The following EFCAB11 variants were observed in gnomAD, a reference collection of about 807,000 sequenced individuals.
EFCAB11 encodes EF-hand calcium-binding domain-containing protein 11.
EFCAB11 carries 14 observed loss-of-function variants against 23.0 expected under a neutral mutation model. That is an observed-to-expected ratio of 0.61 (90% CI 0.40 to 0.95). EFCAB11 has a LOEUF of 0.95. Among genes scored for constraint, EFCAB11 ranks in the 40% least tolerant of loss-of-function variants. The pLI, the probability that EFCAB11 is intolerant of heterozygous loss-of-function variation, is 0.00. For synonymous variants in EFCAB11, 65 were observed against 66.6 expected, an observed-to-expected ratio of 0.98 and a Z score of 0.11; for missense variants, 198 against 195.8, an observed-to-expected ratio of 1.01 and a Z score of -0.07.
intron 5 of EFCAB11, among the ~76,000 whole-genome samples, chr14:89,854,407 C>T (rs966048411): frequency 2.6e-5 from 4 of 152,140 alleles, no homozygotes. Flanking sequence ...TTGCTCCCCT[C>T]CTCATTCAGG....
intron 5 of EFCAB11, among the ~76,000 whole-genome samples, chr14:89,895,802 A>C (rs747597418): frequency 1.0e-3 from 156 of 152,354 alleles, no homozygotes; most frequent in Non-Finnish European, 1.9e-3. Context: ...AATTTAACCA[A>C]ACTAAATTTA....
intron 5 of EFCAB11, among the ~76,000 whole-genome samples, chr14:89,862,121 G>C (rs145192962): frequency 6.6e-6 from 1 of 152,218 alleles, no homozygotes; most frequent in African/African-American, 2.4e-5. Flanking sequence ...TAGAAACCAT[G>C]GTATTGCGGG....
chr14:89,880,007 T>A (rs1888553679), intron 5 of EFCAB11, among the ~76,000 whole-genome samples: 1 of 152,210 alleles, frequency 6.6e-6, no homozygotes, highest in Non-Finnish European at 1.5e-5. Flanking sequence ...ATATCCTCTT[T>A]TAAGATTTGG....
At chr14:89,852,431 G>A (rs754993045) in intron 5 of EFCAB11, among the ~76,000 whole-genome samples, 12 of 152,098 alleles carry the variant, frequency 7.9e-5, no homozygotes, top group South Asian at 4.1e-4. Flanking sequence ...AAAGAAGTTC[G>A]CCTTGTTCGA....
Position 89,796,451 on chromosome 14 carries a change from T to C in EFCAB11, c.*792A>G, listed in dbSNP as rs1315554421. ...CCTCCCAAGTAGCTGGGACTACAGGTACACACCACTAAATCCAGATAATTT... is the reference window on the plus strand; with the variant it reads ...CCTCCCAAGTAGCTGGGACTACAGGCACACACCACTAAATCCAGATAATTT... On this transcript the variant is annotated 3_prime_UTR_variant, in exon 6 of 6. Coordinates refer to ENST00000316738, the MANE Select transcript of EFCAB11 (RefSeq NM_145231.4). 1 of 152,100 alleles carries C rather than the reference T, an allele frequency of 6.6e-6. No homozygotes were observed. Among genetic ancestry groups the C allele is most frequent in the Non-Finnish European group, 1.5e-5 (1 of 68,020 alleles). 9.4% of individuals were successfully genotyped at this position (152,100 alleles called of 1,614,324 possible).
intron 5 of EFCAB11, among the ~76,000 whole-genome samples, chr14:89,812,043 A>G (rs1886166291): frequency 6.6e-6 from 1 of 152,192 alleles, no homozygotes; most frequent in Non-Finnish European, 1.5e-5. Context: ...AAAAGAAAAT[A>G]GATTTAAGGT....
At chr14:89,817,457 A>G (rs933357453) in intron 5 of EFCAB11, among the ~76,000 whole-genome samples, 1 of 152,174 alleles carries the variant, frequency 6.6e-6, no homozygotes, top group Non-Finnish European at 1.5e-5. Flanking sequence ...GGAGTTCTGG[A>G]TAACAGTGAG....
At chr14:89,813,908 G>A (rs909195053) in intron 5 of EFCAB11, among the ~76,000 whole-genome samples, 15 of 152,104 alleles carry the variant, frequency 9.9e-5, no homozygotes, top group Admixed American at 1.3e-4. Context: ...TGACTTCTGC[G>A]GAGAAGGAAT....
intron 1 of EFCAB11, 71 bp downstream of exon 1, chr14:89,954,515 G>C (rs1021759069): frequency 6.3e-7 from 1 of 1,586,236 alleles, no homozygotes. Context: ...GTGAGACCCA[G>C]ACACGGGAGA....
chr14:89,817,050 A>G (rs1436276324), intron 5 of EFCAB11, among the ~76,000 whole-genome samples: 1 of 152,124 alleles, frequency 6.6e-6, no homozygotes, highest in Non-Finnish European at 1.5e-5. Flanking sequence ...ATATTTTATA[A>G]AAGAAAAAAT....
intron 5 of EFCAB11, among the ~76,000 whole-genome samples, chr14:89,805,678 C>T (rs1885944578): frequency 6.6e-6 from 1 of 152,086 alleles, no homozygotes; most frequent in Admixed American, 6.5e-5. Flanking sequence ...GGAGCCTAAA[C>T]AAACCATGCC....
rs568619876 is a variant in EFCAB11 at position 89,934,406 on chromosome 14, G to A, written c.218-1779C>T. 3.3e-4 allele frequency among the ~76,000 whole-genome samples: 51 copies of A among 152,290 alleles called. 1 individual carries two copies. The highest frequency in any genetic ancestry group is 3.4e-3 in the Middle Eastern group (1 of 294). ...AAGAAAGAGATGTCAAGAATATCCC[G>A]TAGATTCTGGCTTGAAGAGCTACTT... On this transcript the variant is annotated intron_variant, in intron 3 of 5. Coordinates refer to ENST00000316738, the MANE Select transcript of EFCAB11 (RefSeq NM_145231.4).
intron 5 of EFCAB11, among the ~76,000 whole-genome samples, chr14:89,803,418 A>G (rs1885852659): frequency 2.0e-5 from 3 of 152,222 alleles, no homozygotes; most frequent in South Asian, 2.1e-4. Flanking sequence ...TGTGTTCCCA[A>G]CAAACGCACT....
chr14:89,806,943 C>A (rs1182609841), intron 5 of EFCAB11, among the ~76,000 whole-genome samples: 2 of 152,204 alleles, frequency 1.3e-5, no homozygotes, highest in African/African-American at 4.8e-5. Context: ...GAACCTTTGA[C>A]CCCGTGGACA....
chr14:89,858,436 T>G (rs1887820752), intron 5 of EFCAB11, among the ~76,000 whole-genome samples: 1 of 152,218 alleles, frequency 6.6e-6, no homozygotes, highest in African/African-American at 2.4e-5. Flanking sequence ...AATTTGTTAC[T>G]CAGCCACAGA....
intron 5 of EFCAB11, among the ~76,000 whole-genome samples, chr14:89,800,936 G>A (rs188966157): frequency 3.3e-5 from 5 of 151,872 alleles, no homozygotes; most frequent in East Asian, 1.9e-4. Flanking sequence ...CCAGCTACTC[G>A]GGAGGCTGAG....
At chr14:89,806,735 A>G (rs1363564973) in intron 5 of EFCAB11, among the ~76,000 whole-genome samples, 3 of 152,188 alleles carry the variant, frequency 2.0e-5, no homozygotes, top group Admixed American at 2.0e-4. Flanking sequence ...AAGTTTCTCA[A>G]CTGCTATGAC....
intron 5 of EFCAB11, among the ~76,000 whole-genome samples, chr14:89,893,478 G>A (rs1443834052): frequency 1.3e-5 from 2 of 152,088 alleles, no homozygotes; most frequent in African/African-American, 4.8e-5. Flanking sequence ...CCCAGCTGCT[G>A]AAGTGCCGCT....
At position 89,926,222 on chromosome 14, in the gene EFCAB11, T is replaced by C. The variant is rs111731397; in HGVS notation, c.410+5319A>G. ...AACAAATGAGTAGCAATTTTGAATT[T>C]TGTATATGAGATATCCCTTGGTTTA... On this transcript the variant is annotated intron_variant, in intron 5 of 5. Transcript: ENST00000316738. Among the ~76,000 whole-genome samples the C allele has an allele frequency of 1.8e-3, 271 of 152,382 alleles. 1 individual carries two copies. Among genetic ancestry groups the C allele is most frequent in the African/African-American group, 6.0e-3 (248 of 41,590 alleles).
Sources: gnomAD v4.1 joint callset for allele counts (sites outside exome capture counted in the v4.1 genomes callset) on GRCh38, gnomAD v4.1.1 for gene constraint, MANE v1.5 for transcripts, NCBI Gene and HGNC (gene_info 2026-07-23, HGNC 2026-07-21) for gene names.